CCDC148: variants seen among roughly 807,000 people sequenced by gnomAD.
CCDC148 encodes the protein coiled-coil domain-containing protein 148.
Under a neutral mutation model 85.7 loss-of-function variants are expected in CCDC148, and 89 were observed. The observed-to-expected ratio is 1.04, with a 90% CI of 0.87 to 1.24. The LOEUF (loss-of-function observed/expected upper bound fraction) is 1.24, where lower values mean the gene tolerates loss of function less well. Ranked by LOEUF, CCDC148 falls within the 50% of genes most tolerant of loss-of-function variation. CCDC148 has a pLI of 0.00. For missense variants in CCDC148, 692 were observed against 671.7 expected, an observed-to-expected ratio of 1.03 and a Z score of -0.33; for synonymous variants, 230 against 213.9, an observed-to-expected ratio of 1.08 and a Z score of -0.66.
chr2:158,406,623 T>TCTGTTTTTGTTTTTGTTTTTG lies in CCDC148; in HGVS notation c.26-48054_26-48053insCAAAAACAAAAACAAAAACAG, dbSNP rs372903099. Reference sequence around the variant, plus strand: ...AAACAGATTAAATTTCTTTTTTTTTTTTTTTTTTTTTTTTTTTGAGACAGT... The same window carrying TCTGTTTTTGTTTTTGTTTTTG: ...AAACAGATTAAATTTCTTTTTTTTTTCTGTTTTTGTTTTTGTTTTTGTTTTTTTTTTTTTTTTTGAGACAGT... On this transcript the variant is annotated intron_variant, in intron 1 of 13. Transcript: ENST00000283233. Among the ~76,000 whole-genome samples, 3 of 102,860 alleles carry TCTGTTTTTGTTTTTGTTTTTG rather than the reference T, an allele frequency of 2.9e-5. 1 individual carries two copies. Among genetic ancestry groups the TCTGTTTTTGTTTTTGTTTTTG allele is most frequent in the Non-Finnish European group, 2.2e-5 (1 of 46,208 alleles). The allele number at this position is 102,860 out of a possible 152,430, so 67.5% of individuals were successfully genotyped here.
intron 10 of CCDC148, among the ~76,000 whole-genome samples, chr2:158,238,082 AGAGACACTG>A (rs1256845843): frequency 6.6e-6 from 1 of 152,138 alleles, no homozygotes; most frequent in African/African-American, 2.4e-5. Context: ...GAATGAGAGG[AGAGACACTG>A]GAGACACTGT....
chr2:158,384,119 T>C (rs1479060191), intron 1 of CCDC148, among the ~76,000 whole-genome samples: 2 of 152,214 alleles, frequency 1.3e-5, no homozygotes, highest in Admixed American at 1.3e-4. Context: ...CTCATTGCAT[T>C]ACCTGATTTC....
At chr2:158,209,173 T>C (rs559980270) in intron 11 of CCDC148, among the ~76,000 whole-genome samples, 18 of 152,024 alleles carry the variant, frequency 1.2e-4, no homozygotes, top group Non-Finnish European at 1.9e-4. Flanking sequence ...CCCAAAAGAA[T>C]AAACTTCAAG....
At chr2:158,267,667 T>A (rs551157255) in intron 9 of CCDC148, among the ~76,000 whole-genome samples, 4 of 152,172 alleles carry the variant, frequency 2.6e-5, no homozygotes, top group Non-Finnish European at 5.9e-5. Context: ...TCTAAAAGAA[T>A]TTAACTCTGC....
intron 1 of CCDC148, among the ~76,000 whole-genome samples, chr2:158,385,535 T>C (rs1214562788): frequency 6.6e-6 from 1 of 152,152 alleles, no homozygotes; most frequent in Non-Finnish European, 1.5e-5. Context: ...ACATTCCAAT[T>C]AACCATTAAG....
chr2:158,404,489 T>C (rs1283728874), intron 1 of CCDC148, among the ~76,000 whole-genome samples: 1 of 152,160 alleles, frequency 6.6e-6, no homozygotes, highest in African/African-American at 2.4e-5. Flanking sequence ...AGATAATTGT[T>C]AGCATCACAA....
intron 1 of CCDC148, among the ~76,000 whole-genome samples, chr2:158,371,603 A>G (rs1684443465): frequency 6.6e-6 from 1 of 151,944 alleles, no homozygotes. Context: ...CATTTATACA[A>G]TTCCACAAGT....
At chr2:158,344,514 C>G (rs2105248184) in intron 3 of CCDC148, among the ~76,000 whole-genome samples, 1 of 152,170 alleles carries the variant, frequency 6.6e-6, no homozygotes, top group South Asian at 2.1e-4. Flanking sequence ...ATTTTAGAAG[C>G]ACACTTTATA....
chr2:158,219,753 C>T (rs777600400), intron 11 of CCDC148, among the ~76,000 whole-genome samples: 5 of 152,182 alleles, frequency 3.3e-5, no homozygotes, highest in African/African-American at 4.8e-5. Flanking sequence ...TCTATCTTAA[C>T]GCACCCAAGA....
At chr2:158,449,602 C>A (rs1353883815) in intron 1 of CCDC148, among the ~76,000 whole-genome samples, 2 of 152,152 alleles carry the variant, frequency 1.3e-5, no homozygotes, top group African/African-American at 4.8e-5. Flanking sequence ...GCACCCACCA[C>A]CATGCCAAGC....
intron 2 of CCDC148, among the ~76,000 whole-genome samples, chr2:158,350,549 C>T (rs77228462): frequency 0.071 from 10,811 of 152,000 alleles, 532 homozygotes; most frequent in South Asian, 0.12. Flanking sequence ...TCCAGATGTC[C>T]CAATCATGGG....
intron 1 of CCDC148, among the ~76,000 whole-genome samples, chr2:158,439,883 C>T (rs1048557438): frequency 1.3e-5 from 2 of 152,080 alleles, no homozygotes; most frequent in African/African-American, 4.8e-5. Context: ...CTTTTTTATA[C>T]AAGGTATTTC....
At chr2:158,179,196 C>T (rs1408863772) in intron 11 of CCDC148, among the ~76,000 whole-genome samples, 200 bp from the exon 12 acceptor site, 1 of 31,650 alleles carries the variant, frequency 3.2e-5, no homozygotes, top group Admixed American at 4.8e-4. Flanking sequence ...TTTTGAGACA[C>T]AGTCTTGGCT....
intron 10 of CCDC148, among the ~76,000 whole-genome samples, chr2:158,249,555 A>G (rs1392862724): frequency 6.6e-6 from 1 of 152,170 alleles, no homozygotes; most frequent in East Asian, 1.9e-4. Flanking sequence ...ACTGTGAAGT[A>G]TATCTTCTTA....
intron 7 of CCDC148, among the ~76,000 whole-genome samples, chr2:158,315,593 C>G (rs764871443): frequency 1.3e-5 from 2 of 152,252 alleles, no homozygotes; most frequent in Middle Eastern, 3.4e-3. Context: ...AACCAGTTCT[C>G]TGTTCCTCTA....
At chr2:158,333,245 A>T (rs1693241074) in intron 7 of CCDC148, among the ~76,000 whole-genome samples, 1 of 152,130 alleles carries the variant, frequency 6.6e-6, no homozygotes. Context: ...GGTTTCAAAG[A>T]ACTTATTTAT....
chr2:158,246,613 G>A (rs1688581322), intron 10 of CCDC148, among the ~76,000 whole-genome samples: 1 of 152,146 alleles, frequency 6.6e-6, no homozygotes, highest in South Asian at 2.1e-4. Context: ...CATAGCTGGT[G>A]GCCGGGCCTT....
intron 2 of CCDC148, among the ~76,000 whole-genome samples, chr2:158,346,351 A>G (rs1354717436): frequency 6.6e-6 from 1 of 152,154 alleles, no homozygotes; most frequent in Admixed American, 6.5e-5. Context: ...CATTGCCCCA[A>G]CTTTTCTCTG....
intron 9 of CCDC148, among the ~76,000 whole-genome samples, chr2:158,260,072 A>G (rs1689156442): frequency 6.6e-6 from 1 of 151,894 alleles, no homozygotes; most frequent in South Asian, 2.1e-4. Context: ...TAATCAATTG[A>G]TTTATTTTCT....
Sources: gnomAD v4.1 joint callset for allele counts (sites outside exome capture counted in the v4.1 genomes callset) on GRCh38, gnomAD v4.1.1 for gene constraint, MANE v1.5 for transcripts, NCBI Gene and HGNC (gene_info 2026-07-23, HGNC 2026-07-21) for gene names.